The following DHX34 variants were observed in gnomAD, a reference collection of about 807,000 sequenced individuals.
The protein encoded by DHX34 is DExH-box helicase 34.
A neutral mutation model predicts 111.1 loss-of-function variants in DHX34; 96 were observed. The observed-to-expected ratio is 0.86, with a 90% CI of 0.73 to 1.02. DHX34 has a LOEUF of 1.02. DHX34 is among the 50% of genes least tolerant of loss of function. DHX34 has a pLI of 0.00. For synonymous variants in DHX34, 688 were observed against 670.4 expected, an observed-to-expected ratio of 1.03 and a Z score of -0.41; for missense variants, 1,560 against 1,579.9, an observed-to-expected ratio of 0.99 and a Z score of 0.21.
chr19:47,377,234 T>A, intron 13 of DHX34, 28 bp downstream of exon 13: 1 of 1,597,038 alleles, frequency 6.3e-7, no homozygotes, highest in Non-Finnish European at 8.5e-7. Context: ...CCCGCCCCCA[T>A]GCCCAGATAT....
chr19:47,369,396 C>T (rs890101271), intron 7 of DHX34, among the ~76,000 whole-genome samples: 2 of 152,216 alleles, frequency 1.3e-5, no homozygotes, highest in Non-Finnish European at 2.9e-5. Context: ...CCCACTTCGG[C>T]CTTTCAAACT....
intron 7 of DHX34, among the ~76,000 whole-genome samples, chr19:47,371,843 G>C (rs887029585): frequency 1.3e-5 from 2 of 151,938 alleles, no homozygotes; most frequent in Non-Finnish European, 2.9e-5. Flanking sequence ...CAGGTGATCT[G>C]CTTGAGTCCA....
At chr19:47,359,822 G>C in intron 4 of DHX34, 146 bp from the exon 5 acceptor site, 2 of 1,490,656 alleles carry the variant, frequency 1.3e-6, no homozygotes, top group Non-Finnish European at 8.9e-7. Flanking sequence ...TGATGGGGTG[G>C]ACGGTGAGCC....
At chr19:47,375,347 G>A (rs1040175327) in intron 9 of DHX34, 119 bp from the exon 10 acceptor site, 6 of 1,427,102 alleles carry the variant, frequency 4.2e-6, no homozygotes, top group Middle Eastern at 2.4e-4. Context: ...CATGCGAGGG[G>A]CTGTTTTCAG....
chr19:47,376,735 A>G (rs1044606135), intron 12 of DHX34, 175 bp downstream of exon 12: 2 of 1,424,352 alleles, frequency 1.4e-6, no homozygotes, highest in African/African-American at 1.4e-5. Flanking sequence ...TGGGTGACTC[A>G]CCCCTGCTGG....
In DHX34 at chr19:47,372,832, G is replaced by A. The variant is rs1287768731; in HGVS notation, c.1871G>A (p.Ser624Asn). 1 of 1,612,398 alleles carries A rather than the reference G, an allele frequency of 6.2e-7. No homozygotes were observed. The highest frequency in any genetic ancestry group is 1.1e-5 in the South Asian group (1 of 91,070). Reference protein sequence around the residue: ...VQSPFTRSAQSSPECAAARRP... With the variant: ...VQSPFTRSAQNSPECAAARRP... ...TCGCCCTTCACCCGCAGCGCCCAGA[G>A]CAGCCCAGAGTGCGCGGCAGCACGG... Residue 624 changes from serine (S) to asparagine (N), a missense_variant, in exon 8 of 17, where the codon AGC (serine) becomes AAC (asparagine). Transcript: ENST00000328771.
Position 47,362,642 on chromosome 19 carries a change from C to T in DHX34, c.1542C>T (p.Pro514=). The change falls in exon 6 of 17, where the codon CCC becomes CCT. Residue 514 remains proline, a synonymous_variant. Coordinates refer to ENST00000328771, the MANE Select transcript of DHX34 (RefSeq NM_014681.6). ...AATCGGACTATGATGCCTTCGCCCC[C>T]TACCCCGTCCCAGAAATTCGGAGGG... The part of the protein sequence containing the change: ...YAESDYDAFA[P]YPVPEIRRVA... 1 of 1,613,576 alleles carries T rather than the reference C, an allele frequency of 6.2e-7. No homozygotes were observed. Among genetic ancestry groups the T allele is most frequent in the Non-Finnish European group, 8.5e-7 (1 of 1,179,942 alleles).
chr19:47,349,701 C>G (rs370086761), intron 1 of DHX34, among the ~76,000 whole-genome samples: 1 of 151,936 alleles, frequency 6.6e-6, no homozygotes, highest in Non-Finnish European at 1.5e-5. Context: ...TTAGAGCCCA[C>G]GAGGCCGAGA....
intron 3 of DHX34, among the ~76,000 whole-genome samples, chr19:47,355,849 C>T (rs1405625338): frequency 5.3e-5 from 8 of 149,548 alleles, no homozygotes; most frequent in Non-Finnish European, 1.2e-4. Flanking sequence ...GAGACTTTGT[C>T]TCAAAAAAAA....
At chr19:47,350,038 G>A (rs1969237689) in intron 1 of DHX34, among the ~76,000 whole-genome samples, 2 of 152,150 alleles carry the variant, frequency 1.3e-5, no homozygotes, top group Non-Finnish European at 2.9e-5. Flanking sequence ...ACAGTCGTGA[G>A]AAAAGTGTGT....
chr19:47,381,539 C>T (rs1568410054), intron 16 of DHX34: 1 of 651,706 alleles, frequency 1.5e-6, no homozygotes, highest in Non-Finnish European at 2.6e-6. Context: ...CTGCCTGTCC[C>T]CTGTGGTGTC....
intron 7 of DHX34, among the ~76,000 whole-genome samples, chr19:47,372,231 C>T (rs757384872): frequency 2.0e-5 from 3 of 151,930 alleles, no homozygotes; most frequent in Admixed American, 6.6e-5. Context: ...ACAAAGGCTG[C>T]AGGAGAAGAT....
chr19:47,376,177 G>C (rs1176249981), intron 11 of DHX34, 80 bp downstream of exon 11: 5 of 1,507,290 alleles, frequency 3.3e-6, no homozygotes, highest in Non-Finnish European at 4.4e-6. Context: ...CGGGAATGCA[G>C]TGGTGACTGA....
intron 4 of DHX34, among the ~76,000 whole-genome samples, chr19:47,359,111 C>T (rs1021698237): frequency 5.9e-5 from 9 of 151,976 alleles, no homozygotes; most frequent in African/African-American, 1.9e-4. Flanking sequence ...TCAGAGTGGG[C>T]GAGGAGAGGC....
At position 47,376,996 on chromosome 19, in the gene DHX34, A is replaced by T. The variant is rs1270138769; in HGVS notation, c.2600-104A>T. On this transcript the variant is annotated intron_variant, in intron 12 of 16. Transcript: ENST00000328771. Reference sequence around the variant, plus strand: ...AGGCCACCAAAGCCATGCCGTAAGCATACTCTTTCTATCGATGTGTACTTT... The same window carrying T: ...AGGCCACCAAAGCCATGCCGTAAGCTTACTCTTTCTATCGATGTGTACTTT... The T allele has an allele frequency of 6.9e-6, 11 of 1,582,896 alleles. No individual in the cohort carries two copies. The East Asian group carries it at 2.3e-4, about 34-fold the overall frequency.
intron 4 of DHX34, among the ~76,000 whole-genome samples, chr19:47,358,706 C>G (rs2122236641): frequency 1.3e-5 from 2 of 152,228 alleles, no homozygotes; most frequent in South Asian, 4.1e-4. Context: ...TCTCCACCTC[C>G]CGGGTTCAAG....
In DHX34 at chr19:47,362,626, A is replaced by G. The variant is rs371639888; in HGVS notation, c.1526A>G (p.Tyr509Cys). The G allele has an allele frequency of 4.3e-6, 7 of 1,613,758 alleles. No individual in the cohort carries two copies. The highest frequency in any genetic ancestry group is 2.2e-5 in the East Asian group (1 of 44,878). ...TTCCGCCTCTATGCCGAATCGGACT[A>G]TGATGCCTTCGCCCCCTACCCCGTC... ...VCFRLYAESD[Y>C]DAFAPYPVPE... The change falls in exon 6 of 17, where the codon TAT (tyrosine) becomes TGT (cysteine). Residue 509 changes from tyrosine to cysteine, a missense_variant. Tyr to Cys is a radical substitution (Grantham distance 194). Transcript: ENST00000328771.
At chr19:47,380,709 C>A in intron 14 of DHX34, 107 bp from the exon 15 acceptor site, 2 of 1,523,320 alleles carry the variant, frequency 1.3e-6, no homozygotes, top group South Asian at 2.6e-5. Flanking sequence ...ACTTGGCTCC[C>A]GTAACTGCAA....
At position 47,358,184 on chromosome 19, in the gene DHX34, A is replaced by G; in HGVS notation, c.1272+64A>G. 3 of 1,552,352 alleles carry G rather than the reference A, an allele frequency of 1.9e-6. No homozygotes were observed. In the South Asian group the frequency reaches 3.5e-5, roughly 18 times the overall value. ...GCATGAGTCAGGGGTGGCTGCGCAC[A>G]GGACTTGTGTAACTCCACAAACACA... On this transcript the variant is annotated intron_variant, in intron 4 of 16. Transcript: ENST00000328771.
Sources: allele counts gnomAD v4.1 joint callset (sites outside exome capture counted in the v4.1 genomes callset), GRCh38; gene constraint gnomAD v4.1.1; transcripts MANE v1.5; gene names NCBI Gene and HGNC (gene_info 2026-07-23, HGNC 2026-07-21).